The following SUPT6H variants were observed in gnomAD, a reference collection of about 807,000 sequenced individuals.
SUPT6H encodes the protein SPT6 homolog, histone chaperone and transcription elongation factor.
In SUPT6H, 11 loss-of-function variants were observed where a neutral mutation model predicts 222.3. The ratio of observed to expected loss-of-function variants is 0.05; its 90% CI spans 0.03 to 0.08. The LOEUF is 0.08. Ranked by LOEUF, SUPT6H falls within the 10% of genes least tolerant of loss-of-function variation. The probability of loss-of-function intolerance (pLI) is 1.00; values close to 1 mark genes in which losing one functional copy is unlikely to be tolerated. For synonymous variants in SUPT6H, 762 were observed against 801.2 expected, an observed-to-expected ratio of 0.95 and a Z score of 0.83; for missense variants, 1,422 against 2,216.0, an observed-to-expected ratio of 0.64 and a Z score of 7.19.
intron 7 of SUPT6H, among the ~76,000 whole-genome samples, chr17:28,677,310 G>A (rs965963647): frequency 1.4e-4 from 22 of 151,926 alleles, no homozygotes; most frequent in Non-Finnish European, 3.1e-4. Flanking sequence ...TTGAACCTGG[G>A]AGGCGGAGGT....
At chr17:28,682,123 TA>T (rs2031145612) in intron 13 of SUPT6H, 143 bp downstream of exon 13, 1 of 613,522 alleles carries the variant, frequency 1.6e-6, no homozygotes, top group Non-Finnish European at 2.8e-6. Context: ...AGCTGGTCTT[TA>T]AAAATACTCC....
rs377627038 is a variant in SUPT6H, at chr17:28,670,885, CA to C, written c.-31-2474del. On this transcript the variant is annotated intron_variant, in intron 1 of 36. Coordinates refer to ENST00000314616, the MANE Select transcript of SUPT6H (RefSeq NM_003170.5). Reference sequence around the variant, plus strand: ...GGGCAACAAGAGCGAAACTCCATCTCAAAAAAAAAAAAGAAAGAAAATGAAC... The same window carrying C: ...GGGCAACAAGAGCGAAACTCCATCTCAAAAAAAAAAAGAAAGAAAATGAAC... 597 of 137,034 alleles carry C rather than the reference CA, an allele frequency of 4.4e-3. 1 individual carries two copies. Among genetic ancestry groups the C allele is most frequent in the Middle Eastern group, 7.4e-3 (2 of 272 alleles). The allele number at this position is 137,034 out of a possible 1,614,324, so 8.5% of individuals were successfully genotyped here. A position where few individuals can be genotyped will look rare whatever the true frequency, so the allele number is the denominator to read the frequency against.
chr17:28,663,904 C>T (rs2072117982), intron 1 of SUPT6H, among the ~76,000 whole-genome samples: 1 of 130,230 alleles, frequency 7.7e-6, no homozygotes, highest in Admixed American at 9.1e-5. Context: ...CATCATAGCT[C>T]ACTGCCACCT....
Position 28,674,317 on chromosome 17 carries a change from G to C in SUPT6H, c.144G>C (p.Gln48His). 1 of 1,614,128 alleles carries C rather than the reference G, an allele frequency of 6.2e-7. No individual in the cohort carries two copies. The highest frequency in any genetic ancestry group is 1.1e-5 in the South Asian group (1 of 91,080). The change falls in exon 3 of 37, where the codon CAG becomes CAC. Residue 48 changes from glutamine to histidine, a missense_variant. Transcript: ENST00000314616. The part of the protein sequence containing the change: ...EEEEEENLDD[Q>H]DEQGNLKGFI... ...AGGAGGAGGAGAACCTAGATGATCA[G>C]GATGAGCAAGGCAACTTGAAAGGCT...
At chr17:28,696,711 C>G in intron 29 of SUPT6H, 133 bp from the exon 30 acceptor site, 1 of 800,258 alleles carries the variant, frequency 1.2e-6, no homozygotes, top group South Asian at 1.6e-5. Flanking sequence ...CATGATTTGC[C>G]ACTGGCACTC....
chr17:28,678,728 G>C (rs2030907843), intron 10 of SUPT6H, 93 bp from the exon 11 acceptor site: 2 of 1,611,092 alleles, frequency 1.2e-6, no homozygotes, highest in Non-Finnish European at 1.7e-6. Flanking sequence ...GGCCTGTCTA[G>C]TCCTCCCCCA....
intron 1 of SUPT6H, among the ~76,000 whole-genome samples, chr17:28,669,443 G>T (rs1254530883): frequency 2.6e-5 from 4 of 152,100 alleles, no homozygotes; most frequent in Admixed American, 1.3e-4. Flanking sequence ...GGCCTGCCTC[G>T]GCCTGGGGTT....
intron 27 of SUPT6H, among the ~76,000 whole-genome samples, chr17:28,693,075 T>A (rs1397831240): frequency 6.7e-6 from 1 of 150,354 alleles, no homozygotes; most frequent in African/African-American, 2.5e-5. Context: ...GAGGCCAAGG[T>A]GGAAGGATCA....
At chr17:28,663,889 G>T (rs1330725228) in intron 1 of SUPT6H, among the ~76,000 whole-genome samples, 3 of 109,496 alleles carry the variant, frequency 2.7e-5, no homozygotes, top group African/African-American at 1.1e-4. Context: ...GGAGTGCAGT[G>T]GCCCCATCAT....
intron 6 of SUPT6H, among the ~76,000 whole-genome samples, chr17:28,675,898 A>C (rs2030717992): frequency 6.6e-6 from 1 of 152,260 alleles, no homozygotes; most frequent in Admixed American, 6.5e-5. Flanking sequence ...TGAGCAAGAC[A>C]TAGACCCGTC....
chr17:28,673,921 C>T (rs145814248), intron 2 of SUPT6H, among the ~76,000 whole-genome samples: 2 of 152,036 alleles, frequency 1.3e-5, no homozygotes, highest in Non-Finnish European at 1.5e-5. Context: ...GGTAAAGGGA[C>T]GTACAAGTTT....
rs1444530709 is a variant in SUPT6H, at chr17:28,690,951, T to C, written c.3521T>C (p.Ile1174Thr). 1.2e-6 allele frequency: 2 copies of C among 1,613,810 alleles called. No homozygotes were observed. Among genetic ancestry groups the C allele is most frequent in the Non-Finnish European group, 1.7e-6 (2 of 1,180,028 alleles). Residue 1174 changes from isoleucine (I) to threonine (T), a missense_variant, in exon 27 of 37, where the codon ATT (isoleucine) becomes ACT (threonine). By Grantham distance (89) the Ile-to-Thr change is moderately conservative. Around this residue, in one of 13 missense-constraint regions of SUPT6H, gnomAD observed 60 missense variants for 96.7 expected, o/e 0.62. Coordinates refer to ENST00000314616, the MANE Select transcript of SUPT6H (RefSeq NM_003170.5). ...GKLIICNVTG[I>T]AHRRPQGESY... ...CTCATCATCTGCAATGTCACTGGCA[T>C]TGCCCACAGGCGTCCCCAGGGTGAG...
chr17:28,689,280 C>T, intron 24 of SUPT6H, 74 bp from the exon 25 acceptor site: 2 of 1,415,518 alleles, frequency 1.4e-6, no homozygotes, highest in Non-Finnish European at 2.0e-6. Context: ...AACCAGTTCC[C>T]CATTGGTGGA....
chr17:28,686,206 C>A, intron 19 of SUPT6H, 133 bp from the exon 20 acceptor site: 1 of 775,428 alleles, frequency 1.3e-6, no homozygotes, highest in Non-Finnish European at 2.1e-6. Flanking sequence ...GGGAATAGTT[C>A]CTTGGTAGCA....
At chr17:28,697,834 A>G in intron 31 of SUPT6H, 72 bp from the exon 32 acceptor site, 1 of 1,607,696 alleles carries the variant, frequency 6.2e-7, no homozygotes, top group East Asian at 2.2e-5. Flanking sequence ...GGAAGTGTAC[A>G]TCATGTGTGC....
rs779282792 is a variant in SUPT6H, at chr17:28,696,853, A to C, written c.3980A>C (p.Lys1327Thr). 1 of 1,613,946 alleles carries C rather than the reference A, an allele frequency of 6.2e-7. No homozygotes were observed. The highest frequency in any genetic ancestry group is 1.1e-5 in the South Asian group (1 of 91,068). ...KRKQQRTTYI[K>T]RVIAHPSFHN... ...TTTCTGCCCTTTTCAGCATACATCA[A>C]GAGAGTGATCGCACACCCATCCTTC... Residue 1327 changes from lysine (K) to threonine (T), a missense_variant, in exon 30 of 37, where the codon AAG (lysine) becomes ACG (threonine). Physicochemically the swap from Lys to Thr is moderately conservative, Grantham distance 78 (BLOSUM62 -1). Transcript: ENST00000314616.
At chr17:28,675,225 G>A (rs759373069) in intron 5 of SUPT6H, 63 bp downstream of exon 5, 261 of 1,538,940 alleles carry the variant, frequency 1.7e-4, no homozygotes, top group Non-Finnish European at 2.2e-4. Context: ...TGGCCCATGG[G>A]AACAGGATGG....
intron 7 of SUPT6H, 27 bp from the exon 8 acceptor site, chr17:28,677,688 C>T: frequency 6.4e-7 from 1 of 1,557,512 alleles, no homozygotes; most frequent in Non-Finnish European, 8.8e-7. Context: ...TAAAGTCCGT[C>T]TCACCCTGTT....
chr17:28,697,435 C>T (rs570141663), intron 30 of SUPT6H, among the ~76,000 whole-genome samples, 185 bp from the exon 31 acceptor site: 2 of 152,226 alleles, frequency 1.3e-5, no homozygotes, highest in African/African-American at 4.8e-5. Context: ...GAATCAAAGC[C>T]AGGATTTAAA....
Sources: gnomAD v4.1 joint callset for allele counts (sites outside exome capture counted in the v4.1 genomes callset) on GRCh38, gnomAD v4.1.1 for gene constraint, gnomAD v4.1.1 regional missense constraint, MANE v1.5 for transcripts, NCBI Gene and HGNC (gene_info 2026-07-23, HGNC 2026-07-21) for gene names.